Variants in COL4A2 observed in about 807,000 individuals in gnomAD.
The protein encoded by COL4A2 is collagen type IV alpha 2 chain.
Under a neutral mutation model 200.2 loss-of-function variants are expected in COL4A2, and 99 were observed. That is an observed-to-expected ratio of 0.49 (90% CI 0.42 to 0.58). The LOEUF (loss-of-function observed/expected upper bound fraction) is 0.58. Among genes scored for constraint, COL4A2 ranks in the 20% least tolerant of loss-of-function variants. The pLI is 0.00. For missense variants in COL4A2, 1,950 were observed against 2,314.1 expected (o/e 0.84, Z 3.23); for synonymous variants, 897 against 900.6 (o/e 1.00, Z 0.07).
intron 3 of COL4A2, 75 bp from the exon 4 acceptor site, chr13:110,357,397 A>G (rs940966694): frequency 6.5e-7 from 1 of 1,535,924 alleles, no homozygotes; most frequent in African/African-American, 1.4e-5. Context: ...GATTCTCAAC[A>G]GATGATATTT....
intron 4 of COL4A2, among the ~76,000 whole-genome samples, chr13:110,379,548 GC>G (rs1343018508): frequency 6.6e-6 from 1 of 152,218 alleles, no homozygotes; most frequent in African/African-American, 2.4e-5. Flanking sequence ...TTTGGCTGCA[GC>G]AGAAGCTGCA....
chr13:110,491,221 C>T lies in COL4A2; in HGVS notation c.3347-12C>T. 1 of 1,573,976 alleles carries T rather than the reference C, an allele frequency of 6.4e-7. No homozygotes were observed. The highest frequency in any genetic ancestry group is 8.7e-7 in the Non-Finnish European group (1 of 1,154,820). ...TGTCTGTTTGTTCCAAGCAGCATGT[C>T]TGTGGTTGCAGGTCTGAAGGGATTC... On this transcript the variant is annotated splice_polypyrimidine_tract_variant and intron_variant, in intron 36 of 47. Transcript: ENST00000360467.
chr13:110,405,237 T>C (rs907639955), intron 4 of COL4A2, among the ~76,000 whole-genome samples: 1 of 152,180 alleles, frequency 6.6e-6, no homozygotes, highest in Non-Finnish European at 1.5e-5. Flanking sequence ...AAAATCCAAA[T>C]GCAGCAGATT....
At chr13:110,472,184 T>C (rs530636231) in intron 28 of COL4A2, among the ~76,000 whole-genome samples, 121 of 150,790 alleles carry the variant, frequency 8.0e-4, no homozygotes, top group Middle Eastern at 3.5e-3. Context: ...GGTGCGATCT[T>C]GGCTCACTGC....
chr13:110,479,215 GAA>G (rs1382925775), intron 30 of COL4A2, among the ~76,000 whole-genome samples: 8 of 151,868 alleles, frequency 5.3e-5, no homozygotes, highest in Admixed American at 4.6e-4. Context: ...AGACCCATGG[GAA>G]AGCCTGTCCT....
At chr13:110,438,809 C>G (rs981025879) in intron 15 of COL4A2, 141 bp downstream of exon 15, 29 of 753,548 alleles carry the variant, frequency 3.8e-5, no homozygotes, top group Non-Finnish European at 5.5e-5. Context: ...CCCACCCCCC[C>G]CCACACACAC....
intron 4 of COL4A2, among the ~76,000 whole-genome samples, chr13:110,412,966 G>C (rs1013259191): frequency 5.3e-5 from 8 of 152,202 alleles, no homozygotes; most frequent in African/African-American, 1.9e-4. Context: ...TCATCTGGTG[G>C]AACGAACAAT....
chr13:110,423,731 G>A (rs1175978082), intron 4 of COL4A2, among the ~76,000 whole-genome samples: 1 of 152,042 alleles, frequency 6.6e-6, no homozygotes, highest in Non-Finnish European at 1.5e-5. Flanking sequence ...GTCCCTCTCT[G>A]CCCGGCCCCT....
At chr13:110,386,068 G>GGGC (rs1402820934) in intron 4 of COL4A2, among the ~76,000 whole-genome samples, 7 of 134,996 alleles carry the variant, frequency 5.2e-5, no homozygotes, top group East Asian at 2.4e-4. Flanking sequence ...TGTGGATAAA[G>GGGC]CATGGTTACA....
intron 3 of COL4A2, among the ~76,000 whole-genome samples, chr13:110,315,858 A>G (rs1885117475): frequency 6.6e-6 from 1 of 152,240 alleles, no homozygotes; most frequent in Non-Finnish European, 1.5e-5. Context: ...AGCTTGTTAC[A>G]TAAATGATTG....
intron 3 of COL4A2, among the ~76,000 whole-genome samples, chr13:110,334,195 C>T (rs76158818): frequency 0.16 from 24,296 of 152,180 alleles, 2,058 homozygotes; most frequent in Admixed American, 0.2. Flanking sequence ...GGCTGAATAG[C>T]GCATGCCCTT....
At chr13:110,428,414 T>G in intron 6 of COL4A2, 53 bp from the exon 7 acceptor site, 1 of 1,061,878 alleles carries the variant, frequency 9.4e-7, no homozygotes, top group South Asian at 1.4e-5. Flanking sequence ...CACAGTTACA[T>G]GACAACTAGA....
chr13:110,467,718 G>T (rs1254179474), intron 27 of COL4A2, among the ~76,000 whole-genome samples: 1 of 152,226 alleles, frequency 6.6e-6, no homozygotes, highest in Non-Finnish European at 1.5e-5. Flanking sequence ...CTGCTGCCCT[G>T]CACTCCAGGG....
intron 4 of COL4A2, among the ~76,000 whole-genome samples, chr13:110,364,461 A>T (rs1877656126): frequency 6.6e-6 from 1 of 152,182 alleles, no homozygotes; most frequent in Non-Finnish European, 1.5e-5. Flanking sequence ...TGGCGAGTGG[A>T]GGAGGGGCCA....
At chr13:110,355,560 C>G (rs1302782175) in intron 3 of COL4A2, among the ~76,000 whole-genome samples, 1 of 43,914 alleles carries the variant, frequency 2.3e-5, no homozygotes, top group Non-Finnish European at 3.7e-5. Context: ...TGGGGGAGGG[C>G]TGTACTAGCT....
At chr13:110,409,987 G>A (rs1290575011) in intron 4 of COL4A2, among the ~76,000 whole-genome samples, 2 of 152,208 alleles carry the variant, frequency 1.3e-5, no homozygotes, top group African/African-American at 4.8e-5. Flanking sequence ...GGTGGCCCTG[G>A]TAGCCAGTGG....
At chr13:110,446,614 T>C (rs983139995) in intron 17 of COL4A2, among the ~76,000 whole-genome samples, 184 bp from the exon 18 acceptor site, 2 of 152,206 alleles carry the variant, frequency 1.3e-5, no homozygotes, top group African/African-American at 4.8e-5. Context: ...GTGGCTGGGA[T>C]GCCAGGCTCT....
intron 29 of COL4A2, among the ~76,000 whole-genome samples, chr13:110,475,704 C>T (rs1295109152): frequency 6.6e-6 from 1 of 152,244 alleles, no homozygotes; most frequent in African/African-American, 2.4e-5. Flanking sequence ...GAGCAGCGTG[C>T]AGCGGGTCCT....
chr13:110,353,257 C>T (rs1014419442), intron 3 of COL4A2, among the ~76,000 whole-genome samples: 9 of 152,252 alleles, frequency 5.9e-5, no homozygotes, highest in African/African-American at 2.2e-4. Flanking sequence ...GGACCAGGGC[C>T]AGTGTTTCTT....
Sources: allele counts gnomAD v4.1 joint callset (sites outside exome capture counted in the v4.1 genomes callset), GRCh38; gene constraint gnomAD v4.1.1; transcripts MANE v1.5; gene names NCBI Gene and HGNC (gene_info 2026-07-23, HGNC 2026-07-21).